The following UGGT1 variants were observed in gnomAD, a reference collection of about 807,000 sequenced individuals.
The protein encoded by UGGT1 is UDP-glucose glycoprotein glucosyltransferase 1, also known as UDP-glucose:glycoprotein glucosyltransferase 1.
A neutral mutation model predicts 203.9 loss-of-function variants in UGGT1; 107 were observed. The observed-to-expected ratio is 0.52, with a 90% CI of 0.45 to 0.62. UGGT1 has a LOEUF of 0.62. Ranked by LOEUF, UGGT1 falls within the 20% of genes least tolerant of loss-of-function variation. The pLI, the probability that UGGT1 is intolerant of heterozygous loss-of-function variation, is 0.00. For missense variants in UGGT1, 1,673 were observed against 1,867.2 expected, an observed-to-expected ratio of 0.90 and a Z score of 1.92; for synonymous variants, 628 against 653.5, an observed-to-expected ratio of 0.96 and a Z score of 0.59.
intron 2 of UGGT1, among the ~76,000 whole-genome samples, chr2:128,101,487 G>T (rs1287402067): frequency 6.6e-6 from 1 of 152,158 alleles, no homozygotes; most frequent in Non-Finnish European, 1.5e-5. Context: ...TTCTGCAGCT[G>T]TAGCTACAGA....
rs187600047 is a variant in UGGT1 at position 128,159,452 on chromosome 2, A to T, written c.2356-62A>T. ...TACTTATTGAACATGACTGATGTTA[A>T]TGCTGCTTTTTAAGTTCAAAAATAT... On this transcript the variant is annotated intron_variant, in intron 22 of 40. Transcript: ENST00000259253. 48 of 1,456,230 alleles carry T rather than the reference A, an allele frequency of 3.3e-5. No individual in the cohort carries two copies. The East Asian group carries it at 9.8e-4, about 30-fold the overall frequency. The allele number at this position is 1,456,230 out of a possible 1,614,324, so 90.2% of individuals were successfully genotyped here.
chr2:128,123,403 A>G (rs1432988223), intron 11 of UGGT1, among the ~76,000 whole-genome samples, 157 bp downstream of exon 11: 1 of 152,180 alleles, frequency 6.6e-6, no homozygotes. Flanking sequence ...GTTTTTAATG[A>G]AAGTTCAGTA....
intron 30 of UGGT1, 61 bp from the exon 31 acceptor site, chr2:128,174,712 C>A: frequency 7.8e-7 from 1 of 1,280,376 alleles, no homozygotes. Context: ...AGTAACTGTT[C>A]CTCAGAAATA....
chr2:128,181,515 A>G (rs1274198368), intron 36 of UGGT1, among the ~76,000 whole-genome samples: 2 of 152,214 alleles, frequency 1.3e-5, no homozygotes, highest in Non-Finnish European at 2.9e-5. Flanking sequence ...GAAAGGGAAC[A>G]TGTGATTTTA....
In UGGT1 at chr2:128,113,269, A is replaced by C; in HGVS notation, c.696+11A>C. On this transcript the variant is annotated intron_variant, in intron 6 of 40. Transcript: ENST00000259253. ...AGACATTATATATTTGTAAGTATTG[A>C]CTTATTTTACACCTGTTTTGAATGT... The C allele has an allele frequency of 6.4e-7, 1 of 1,574,368 alleles. No individual in the cohort carries two copies. Among genetic ancestry groups the C allele is most frequent in the Non-Finnish European group, 8.7e-7 (1 of 1,155,422 alleles).
At chr2:128,126,786 G>A (rs778449970) in intron 11 of UGGT1, among the ~76,000 whole-genome samples, 6 of 148,466 alleles carry the variant, frequency 4.0e-5, no homozygotes, top group South Asian at 2.1e-4. Context: ...GGGTTCGAGC[G>A]GTTCTTGTGC....
chr2:128,138,816 A>C lies in UGGT1; in HGVS notation c.1683A>C (p.Glu561Asp), dbSNP rs1406788782. The C allele has an allele frequency of 1.9e-6, 3 of 1,614,068 alleles. No individual in the cohort carries two copies. The highest frequency in any genetic ancestry group is 1.3e-5 in the African/African-American group (1 of 74,930). The change falls in exon 16 of 41, where the codon GAA (glutamate) becomes GAC (aspartate). Residue 561 changes from glutamate to aspartate, a missense_variant. Around this residue, in one of 4 missense-constraint regions of UGGT1, gnomAD observed 1,073 missense variants for 1,078.7 expected, o/e 0.99. Coordinates refer to ENST00000259253, the MANE Select transcript of UGGT1 (RefSeq NM_020120.4). The stretch of plus-strand genomic sequence containing the variant: ...GAGCATATAATTATGTTGCCCAAGA[A>C]GTGGATGATTATCATGCCTTCCAGA... ...VLRAYNYVAQ[E>D]VDDYHAFQTL...
intron 1 of UGGT1, among the ~76,000 whole-genome samples, chr2:128,096,368 C>T (rs569607881): frequency 6.6e-6 from 1 of 152,368 alleles, no homozygotes; most frequent in Admixed American, 6.5e-5. Context: ...TAGATATTTA[C>T]TGTCTCACAG....
chr2:128,134,849 A>G (rs764114328), intron 14 of UGGT1, 27 bp from the exon 15 acceptor site: 46 of 1,598,978 alleles, frequency 2.9e-5, no homozygotes, highest in Non-Finnish European at 3.6e-5. Context: ...ATGTCATTTC[A>G]TGTGTTCTTT....
intron 38 of UGGT1, among the ~76,000 whole-genome samples, chr2:128,186,168 A>G (rs1270242759): frequency 1.3e-5 from 2 of 152,236 alleles, no homozygotes; most frequent in African/African-American, 4.8e-5. Flanking sequence ...TATTATGGGC[A>G]GATGTTTTAT....
rs1447876320 is a variant in UGGT1, at chr2:128,103,941, A to G, written c.204A>G (p.Leu68=). 1.5e-5 allele frequency: 24 copies of G among 1,591,176 alleles called. No individual in the cohort carries two copies. The East Asian group carries it at 5.5e-4, about 36-fold the overall frequency. The part of the protein sequence containing the change: ...TPLLLEASEF[L]AEDSQEKFWN... ...TGATCTTTTCTCCCAGTGAGTTTTT[A>G]GCAGAAGACAGTCAAGAGAAATTTT... is the stretch of plus-strand genomic sequence containing the variant. The change falls in exon 3 of 41, where the codon TTA becomes TTG. Residue 68 remains leucine, a synonymous_variant. Transcript: ENST00000259253.
At chr2:128,185,945 G>A (rs1691956323) in intron 38 of UGGT1, among the ~76,000 whole-genome samples, 1 of 152,022 alleles carries the variant, frequency 6.6e-6, no homozygotes, top group Non-Finnish European at 1.5e-5. Flanking sequence ...GGGTAGCATT[G>A]GCTAGAAAAA....
At chr2:128,171,338 C>T in intron 28 of UGGT1, 54 bp downstream of exon 28, 1 of 1,485,914 alleles carries the variant, frequency 6.7e-7, no homozygotes, top group South Asian at 1.2e-5. Flanking sequence ...AATCCAAGTT[C>T]TGATATTGCA....
At chr2:128,167,946 G>A (rs1193839066) in intron 26 of UGGT1, among the ~76,000 whole-genome samples, 1 of 152,138 alleles carries the variant, frequency 6.6e-6, no homozygotes, top group Non-Finnish European at 1.5e-5. Flanking sequence ...CCTGGTGTGG[G>A]CAGGCATGAC....
At chr2:128,182,984 A>G (rs980514026) in intron 37 of UGGT1, among the ~76,000 whole-genome samples, 3 of 145,128 alleles carry the variant, frequency 2.1e-5, no homozygotes, top group African/African-American at 7.7e-5. Flanking sequence ...TCCTTTTCAT[A>G]GCTGCATATT....
At position 128,190,032 on chromosome 2, in the gene UGGT1, A is replaced by G. The variant is rs1190828590; in HGVS notation, c.*290A>G. 1 of 327,592 alleles carries G rather than the reference A, an allele frequency of 3.1e-6. No homozygotes were observed. Among genetic ancestry groups the G allele is most frequent in the African/African-American group, 2.1e-5 (1 of 48,076 alleles). 20.3% of individuals were successfully genotyped at this position (327,592 alleles called of 1,614,324 possible). On this transcript the variant is annotated 3_prime_UTR_variant, in exon 41 of 41. Coordinates refer to ENST00000259253, the MANE Select transcript of UGGT1 (RefSeq NM_020120.4). ...GTGGAATGGCAGCAGCAACTGGAAG[A>G]AAATGAGTTTTTTGGTGCCCACACC...
intron 7 of UGGT1, among the ~76,000 whole-genome samples, chr2:128,115,529 T>C (rs1459871826): frequency 6.7e-6 from 1 of 149,722 alleles, no homozygotes; most frequent in Admixed American, 6.6e-5. Flanking sequence ...AAAAAGAACC[T>C]GGCACAGTGG....
In UGGT1 at chr2:128,161,058, G is replaced by A. The variant is rs372994436; in HGVS notation, c.2695-80G>A. On this transcript the variant is annotated intron_variant, in intron 24 of 40. Coordinates refer to ENST00000259253, the MANE Select transcript of UGGT1 (RefSeq NM_020120.4). The stretch of plus-strand genomic sequence containing the variant: ...GTTCTGGCGTATGAGGTAGCCTGAG[G>A]ACGCCAGAGGGTTCCTTACCAGCTT... 456 of 1,540,528 alleles carry A rather than the reference G, an allele frequency of 3.0e-4. 1 individual carries two copies. The Middle Eastern group carries it at 5.5e-3, about 19-fold the overall frequency.
rs1005600373 is a variant in UGGT1 at position 128,173,791 on chromosome 2, T to C, written c.3305T>C (p.Val1102Ala). ...GATTTTGGCTTGCAGGTGGACAGTG[T>C]AGTGGCTGCTGAGTATGAGCTGGAA... is the stretch of plus-strand genomic sequence containing the variant. ...DNIYLEEVDS[V>A]VAAEYELEYL... is the part of the protein sequence containing the mutation. The change falls in exon 30 of 41, where the codon GTA (valine) becomes GCA (alanine). Residue 1102 changes from valine to alanine, a missense_variant. Val to Ala is a moderately conservative substitution (Grantham distance 64). This residue lies in a region of UGGT1 where 513 missense variants were observed against 684.1 expected (regional missense o/e 0.75). Transcript: ENST00000259253. The C allele has an allele frequency of 1.1e-5, 17 of 1,614,164 alleles. No homozygotes were observed. Among genetic ancestry groups the C allele is most frequent in the Non-Finnish European group, 1.3e-5 (15 of 1,180,010 alleles).
Sources: gnomAD v4.1 joint callset for allele counts (sites outside exome capture counted in the v4.1 genomes callset) on GRCh38, gnomAD v4.1.1 for gene constraint, gnomAD v4.1.1 regional missense constraint, MANE v1.5 for transcripts, NCBI Gene and HGNC (gene_info 2026-07-23, HGNC 2026-07-21) for gene names.